The following GABRB1 variants were observed in gnomAD, a reference collection of about 807,000 sequenced individuals.
GABRB1 encodes the protein gamma-aminobutyric acid type A receptor subunit beta1, also known as gamma-aminobutyric acid receptor subunit beta-1.
A neutral mutation model predicts 51.6 loss-of-function variants in GABRB1; 17 were observed. The observed-to-expected ratio is 0.33, with a 90% confidence interval of 0.23 to 0.49. GABRB1 has a LOEUF of 0.49. Ranked by LOEUF, GABRB1 falls within the 20% of genes least tolerant of loss-of-function variation. The pLI is 0.99. For missense variants in GABRB1, 410 were observed against 600.6 expected, an observed-to-expected ratio of 0.68 and a Z score of 3.32; for synonymous variants, 247 against 218.9, an observed-to-expected ratio of 1.13 and a Z score of -1.14.
intron 5 of GABRB1, among the ~76,000 whole-genome samples, chr4:47,396,880 C>A (rs1442636817): frequency 6.6e-6 from 1 of 152,102 alleles, no homozygotes; most frequent in Non-Finnish European, 1.5e-5. Context: ...AAAGGAGTAT[C>A]TTGATACAGT....
intron 4 of GABRB1, among the ~76,000 whole-genome samples, chr4:47,254,814 T>C (rs1722139402): frequency 6.6e-6 from 1 of 152,218 alleles, no homozygotes; most frequent in Admixed American, 6.5e-5. Flanking sequence ...TGAATCTTTA[T>C]CATGCATGCA....
At chr4:47,073,009 C>A (rs1002012129) in intron 3 of GABRB1, among the ~76,000 whole-genome samples, 2 of 152,144 alleles carry the variant, frequency 1.3e-5, no homozygotes, top group Non-Finnish European at 2.9e-5. Context: ...TTATTATAGA[C>A]CTATAGACTA....
chr4:47,396,348 C>G (rs907754738), intron 5 of GABRB1, among the ~76,000 whole-genome samples: 17 of 152,268 alleles, frequency 1.1e-4, no homozygotes, highest in African/African-American at 3.9e-4. Flanking sequence ...CACCAGGTCC[C>G]TCCCACAACA....
intron 1 of GABRB1, among the ~76,000 whole-genome samples, chr4:46,994,770 G>A: frequency 6.6e-6 from 1 of 152,156 alleles, no homozygotes; most frequent in East Asian, 1.9e-4. Context: ...ATGGATCAAT[G>A]AGCTAAGTAA....
intron 3 of GABRB1, 63 bp from the exon 4 acceptor site, chr4:47,161,186 T>C: frequency 1.8e-6 from 2 of 1,113,648 alleles, no homozygotes; most frequent in Non-Finnish European, 2.6e-6. Context: ...CTACATGTTA[T>C]TAAACCTTAG....
intron 5 of GABRB1, among the ~76,000 whole-genome samples, chr4:47,349,868 T>C (rs978850268): frequency 1.3e-5 from 2 of 152,226 alleles, no homozygotes; most frequent in Non-Finnish European, 2.9e-5. Context: ...CAGTCTGATT[T>C]ATTTCCCTCA....
At chr4:47,027,454 TAAG>T (rs1725136245), upstream of GABRB1, among the ~76,000 whole-genome samples, 4 of 151,524 alleles carry the variant, frequency 2.6e-5, no homozygotes, top group Non-Finnish European at 5.9e-5. Flanking sequence ...AATATATAAA[TAAG>T]AAGAGCTGAA....
chr4:47,136,476 G>C (rs1371951723), intron 3 of GABRB1, among the ~76,000 whole-genome samples: 1 of 151,440 alleles, frequency 6.6e-6, no homozygotes, highest in Non-Finnish European at 1.5e-5. Context: ...AACAATTCTG[G>C]CTTAAGAAAC....
intron 4 of GABRB1, among the ~76,000 whole-genome samples, chr4:47,306,357 G>A (rs1724470451): frequency 6.6e-6 from 1 of 151,358 alleles, no homozygotes; most frequent in African/African-American, 2.4e-5. Flanking sequence ...TGGGAGGGAG[G>A]GGAACAGTGA....
Position 47,230,029 on chromosome 4 carries a change from G to C in GABRB1, c.461+68560G>C, listed in dbSNP as rs180774462. 3.5e-3 allele frequency among the ~76,000 whole-genome samples: 533 copies of C among 152,254 alleles called. 5 individuals are homozygous for C. Among genetic ancestry groups the C allele is most frequent in the Admixed American group, 0.02 (308 of 15,282 alleles). ...TTAATAAGGGGTACTTTATTGGGTT[G>C]TGCTAGCTATTAAAGATAACACTTT... On this transcript the variant is annotated intron_variant, in intron 4 of 8. Coordinates refer to ENST00000295454, the MANE Select transcript of GABRB1 (RefSeq NM_000812.4).
chr4:47,112,340 C>G (rs1290515128), intron 3 of GABRB1, among the ~76,000 whole-genome samples: 1 of 151,872 alleles, frequency 6.6e-6, no homozygotes, highest in Non-Finnish European at 1.5e-5. Context: ...CTCCTGACCT[C>G]GTAATCCGAC....
chr4:47,001,274 C>T (rs1434753007), intron 1 of GABRB1, among the ~76,000 whole-genome samples: 1 of 152,044 alleles, frequency 6.6e-6, no homozygotes, highest in Non-Finnish European at 1.5e-5. Context: ...TCCCGAGTAG[C>T]TGGGACTACA....
intron 3 of GABRB1, among the ~76,000 whole-genome samples, chr4:47,111,675 G>A (rs1715215496): frequency 6.6e-6 from 1 of 151,852 alleles, no homozygotes; most frequent in Admixed American, 6.6e-5. Context: ...ACCAGCCTGG[G>A]AAACATGGCA....
intron 3 of GABRB1, among the ~76,000 whole-genome samples, chr4:47,044,700 G>C (rs903814737): frequency 6.6e-6 from 1 of 151,958 alleles, no homozygotes. Flanking sequence ...TTAATGCCAA[G>C]ACACCAGGGG....
chr4:47,201,939 G>A (rs1719912874), intron 4 of GABRB1, among the ~76,000 whole-genome samples: 1 of 152,116 alleles, frequency 6.6e-6, no homozygotes, highest in Non-Finnish European at 1.5e-5. Context: ...CTTCAGGAAT[G>A]GACGTGGATC....
intron 4 of GABRB1, among the ~76,000 whole-genome samples, chr4:47,293,578 A>G (rs1489426228): frequency 1.3e-5 from 2 of 152,252 alleles, no homozygotes; most frequent in Non-Finnish European, 2.9e-5. Flanking sequence ...AAACTGATTT[A>G]GAAATGGAAA....
intron 5 of GABRB1, among the ~76,000 whole-genome samples, chr4:47,379,755 C>G (rs548310152): frequency 4.6e-5 from 7 of 152,032 alleles, no homozygotes; most frequent in Non-Finnish European, 8.8e-5. Flanking sequence ...TTTCTATAGT[C>G]TGAAACTAAA....
At chr4:47,222,300 G>C (rs1033013055) in intron 4 of GABRB1, among the ~76,000 whole-genome samples, 3 of 152,074 alleles carry the variant, frequency 2.0e-5, no homozygotes, top group Non-Finnish European at 4.4e-5. Context: ...CAAATAATGA[G>C]TATCAACTGT....
intron 3 of GABRB1, among the ~76,000 whole-genome samples, chr4:47,102,141 C>T (rs1385566725): frequency 6.6e-6 from 1 of 151,962 alleles, no homozygotes; most frequent in Non-Finnish European, 1.5e-5. Context: ...TAAAGGAGCT[C>T]CTCAGTTTCA....
Sources: gnomAD v4.1 joint callset for allele counts (sites outside exome capture counted in the v4.1 genomes callset) on GRCh38, gnomAD v4.1.1 for gene constraint, MANE v1.5 for transcripts, NCBI Gene and HGNC (gene_info 2026-07-23, HGNC 2026-07-21) for gene names.